FOXO3: variants seen among roughly 807,000 people sequenced by gnomAD.
The protein encoded by FOXO3 is forkhead box O3.
In FOXO3, 4 loss-of-function variants were observed where a neutral mutation model predicts 41.9. The ratio of observed to expected loss-of-function variants is 0.10; its 90% CI spans 0.05 to 0.22. FOXO3 has a LOEUF of 0.22. Ranked by LOEUF, FOXO3 falls within the 10% of genes least tolerant of loss-of-function variation. The probability of loss-of-function intolerance (pLI) is 1.00; values close to 1 mark genes in which losing one functional copy is unlikely to be tolerated. For synonymous variants in FOXO3, 318 were observed against 389.3 expected (o/e 0.82, Z 2.16); for missense variants, 534 against 906.8 (o/e 0.59, Z 5.28).
At chr6:108,609,936 T>C (rs1777313078) in intron 1 of FOXO3, among the ~76,000 whole-genome samples, 1 of 152,172 alleles carries the variant, frequency 6.6e-6, no homozygotes, top group Non-Finnish European at 1.5e-5. Flanking sequence ...AATGTACACA[T>C]ACATGCACAC....
chr6:108,628,988 G>A (rs1234222269), intron 1 of FOXO3, among the ~76,000 whole-genome samples: 1 of 152,106 alleles, frequency 6.6e-6, no homozygotes, highest in Non-Finnish European at 1.5e-5. Context: ...ACAGACCTGG[G>A]CTCTAGGGAA....
At position 108,602,716 on chromosome 6, in the gene FOXO3, C is replaced by G. The variant is rs534250778; in HGVS notation, c.621+40887C>G. On this transcript the variant is annotated intron_variant, in intron 1 of 2. Transcript: ENST00000406360. ...ATTTTTTTATAATAGATGTGGATAA[C>G]TTTTTATAAAGGCCGATTAATATAA... is the stretch of plus-strand genomic sequence containing the variant. Among the ~76,000 whole-genome samples the G allele has an allele frequency of 3.3e-5, 5 of 151,588 alleles. No homozygotes were observed. In the South Asian group the frequency reaches 6.2e-4, roughly 19 times the overall value.
chr6:108,575,229 T>C (rs1345646987), intron 1 of FOXO3, among the ~76,000 whole-genome samples: 3 of 152,202 alleles, frequency 2.0e-5, no homozygotes, highest in Admixed American at 6.5e-5. Flanking sequence ...GTCCTAATCA[T>C]TGATTTTTAA....
At chr6:108,639,503 C>G in intron 1 of FOXO3, 1 of 979,998 alleles carries the variant, frequency 1.0e-6, no homozygotes, top group Non-Finnish European at 1.2e-6. Context: ...AACGCATTCC[C>G]TGGGATGAAA....
At chr6:108,605,335 T>C (rs1434714945) in intron 1 of FOXO3, among the ~76,000 whole-genome samples, 1 of 152,174 alleles carries the variant, frequency 6.6e-6, no homozygotes, top group Admixed American at 6.5e-5. Context: ...GCCAGGCTGG[T>C]CTCGAACTCC....
chr6:108,665,725 C>G (rs181801107), intron 2 of FOXO3, among the ~76,000 whole-genome samples: 68 of 149,850 alleles, frequency 4.5e-4, no homozygotes, highest in African/African-American at 1.6e-3. Flanking sequence ...AGGAGAATCC[C>G]TTGTGCCCAG....
At chr6:108,661,323 A>AATATAT (rs747283238) in intron 1 of FOXO3, among the ~76,000 whole-genome samples, 5 of 151,744 alleles carry the variant, frequency 3.3e-5, no homozygotes, top group African/African-American at 1.2e-4. Context: ...AATTTAAACA[A>AATATAT]ATATATATAT....
At chr6:108,656,135 C>CA (rs146161678) in intron 1 of FOXO3, among the ~76,000 whole-genome samples, 12,160 of 110,446 alleles carry the variant, frequency 0.11, 608 homozygotes, top group Non-Finnish European at 0.13. Flanking sequence ...CACCCCACCT[C>CA]AAAAAAAAAA....
chr6:108,628,319 GA>G (rs1372742767), intron 1 of FOXO3, among the ~76,000 whole-genome samples: 3 of 152,136 alleles, frequency 2.0e-5, no homozygotes, highest in Non-Finnish European at 2.9e-5. Context: ...CCTTTGCCAA[GA>G]AAAATGACAA....
At chr6:108,658,794 G>T (rs1231952799) in intron 1 of FOXO3, among the ~76,000 whole-genome samples, 1 of 152,216 alleles carries the variant, frequency 6.6e-6, no homozygotes, top group African/African-American at 2.4e-5. Context: ...ACTAAAGAAA[G>T]ACAAGTAAGT....
chr6:108,619,379 A>G (rs1195663532), intron 1 of FOXO3, among the ~76,000 whole-genome samples: 1 of 152,250 alleles, frequency 6.6e-6, no homozygotes, highest in Non-Finnish European at 1.5e-5. Flanking sequence ...GTCATCAAAT[A>G]ATACTTATTA....
intron 2 of FOXO3, among the ~76,000 whole-genome samples, chr6:108,665,903 A>C (rs1208868830): frequency 6.6e-6 from 1 of 151,912 alleles, no homozygotes; most frequent in Non-Finnish European, 1.5e-5. Context: ...CTTGTTCACC[A>C]AACTATAAAT....
At chr6:108,644,785 C>G (rs1433826297) in intron 1 of FOXO3, among the ~76,000 whole-genome samples, 1 of 152,164 alleles carries the variant, frequency 6.6e-6, no homozygotes, top group Non-Finnish European at 1.5e-5. Context: ...TCCAGTCTGT[C>G]TTAGGTACAC....
At chr6:108,656,029 C>T (rs1337257473) in intron 1 of FOXO3, among the ~76,000 whole-genome samples, 1 of 151,878 alleles carries the variant, frequency 6.6e-6, no homozygotes, top group Non-Finnish European at 1.5e-5. Context: ...GACCAGGAGA[C>T]GCCTGCAGTC....
At chr6:108,568,626 C>T (rs1279676657) in intron 1 of FOXO3, among the ~76,000 whole-genome samples, 1 of 152,194 alleles carries the variant, frequency 6.6e-6, no homozygotes, top group Non-Finnish European at 1.5e-5. Context: ...ATTTTATAAT[C>T]AACCCATATG....
At position 108,661,037 on chromosome 6, in the gene FOXO3, G is replaced by A. The variant is rs141846603; in HGVS notation, c.622-2418G>A. Reference sequence around the variant, plus strand: ...ATCACGCCACTGCACTCCAACCTGGGCAACAGAGCGAGACTCTATCTCAAA... The same window carrying A: ...ATCACGCCACTGCACTCCAACCTGGACAACAGAGCGAGACTCTATCTCAAA... On this transcript the variant is annotated intron_variant, in intron 1 of 2. Coordinates refer to ENST00000406360, the MANE Select transcript of FOXO3 (RefSeq NM_001455.4). Among the ~76,000 whole-genome samples, 1,370 of 152,098 alleles carry A rather than the reference G, an allele frequency of 9.0e-3. 11 individuals carry two copies. The highest frequency in any genetic ancestry group is 0.02 in the Middle Eastern group (6 of 294).
chr6:108,588,148 G>C (rs1776636654), intron 1 of FOXO3, among the ~76,000 whole-genome samples: 1 of 152,200 alleles, frequency 6.6e-6, no homozygotes, highest in South Asian at 2.1e-4. Flanking sequence ...TCTCATTTAC[G>C]AATGTGTTTT....
intron 1 of FOXO3, among the ~76,000 whole-genome samples, chr6:108,648,024 T>C (rs1183842569): frequency 6.6e-6 from 1 of 152,192 alleles, no homozygotes; most frequent in African/African-American, 2.4e-5. Context: ...GAGGGAATCC[T>C]AGGTGTCTAC....
chr6:108,638,953 G>A (rs892420749), intron 1 of FOXO3, among the ~76,000 whole-genome samples: 2 of 152,162 alleles, frequency 1.3e-5, no homozygotes, highest in African/African-American at 4.8e-5. Context: ...GGTGTTCGGG[G>A]TGTCCTTTCC....
Sources: gnomAD v4.1 joint callset for allele counts (sites outside exome capture counted in the v4.1 genomes callset) on GRCh38, gnomAD v4.1.1 for gene constraint, MANE v1.5 for transcripts, NCBI Gene and HGNC (gene_info 2026-07-23, HGNC 2026-07-21) for gene names.